NOTCH2NLA: variants seen among roughly 807,000 people sequenced by gnomAD.
The protein encoded by NOTCH2NLA is notch 2 N-terminal like A, also known as notch homolog 2 N-terminal-like protein A.
intron 3 of NOTCH2NLA, among the ~76,000 whole-genome samples, chr1:146,159,139 C>T (rs1392439202): frequency 6.6e-6 from 1 of 152,058 alleles, no homozygotes. Flanking sequence ...GGGCAGATCA[C>T]TTGTGGTTAG....
At chr1:146,161,980 T>C (rs1661531079) in intron 3 of NOTCH2NLA, among the ~76,000 whole-genome samples, 1 of 98,158 alleles carries the variant, frequency 1.0e-5, no homozygotes, top group Admixed American at 1.1e-4. Flanking sequence ...TGCTGAGGTG[T>C]TTGCTGAAGG....
chr1:146,194,968 A>G (rs1391285989), intron 1 of NOTCH2NLA, among the ~76,000 whole-genome samples: 2 of 110,414 alleles, frequency 1.8e-5, no homozygotes, highest in African/African-American at 3.9e-5. Context: ...AATTCTACCC[A>G]TTCCTTCAAG....
intron 3 of NOTCH2NLA, among the ~76,000 whole-genome samples, chr1:146,158,470 C>T (rs1366474705): frequency 6.6e-6 from 1 of 151,532 alleles, no homozygotes; most frequent in Non-Finnish European, 1.5e-5. Context: ...CCAGCTTCAT[C>T]CATGTCCCTA....
chr1:146,197,408 TATA>T (rs1663220184), intron 1 of NOTCH2NLA, among the ~76,000 whole-genome samples: 1 of 100,622 alleles, frequency 9.9e-6, no homozygotes, highest in Admixed American at 1.0e-4. Context: ...TGTTCTATTT[TATA>T]ATATTGAACT....
chr1:146,227,953 G>C (rs1664280624), intron 1 of NOTCH2NLA, among the ~76,000 whole-genome samples: 1 of 46,672 alleles, frequency 2.1e-5, no homozygotes, highest in South Asian at 6.8e-4. Context: ...CCACATTCCT[G>C]GGTCTGGACA....
At chr1:146,187,056 G>A (rs1229509168) in intron 2 of NOTCH2NLA, among the ~76,000 whole-genome samples, 5 of 126,828 alleles carry the variant, frequency 3.9e-5, no homozygotes, top group Non-Finnish European at 9.1e-5. Context: ...AGGCTCCAGT[G>A]TGTGATGTTC....
intron 2 of NOTCH2NLA, among the ~76,000 whole-genome samples, chr1:146,173,030 T>C (rs1258346123): frequency 1.3e-5 from 2 of 151,044 alleles, no homozygotes; most frequent in Non-Finnish European, 2.9e-5. Flanking sequence ...GGTATAGAAT[T>C]ATCCTTCACA....
chr1:146,185,882 T>C (rs1204514689), intron 2 of NOTCH2NLA, among the ~76,000 whole-genome samples: 21 of 136,890 alleles, frequency 1.5e-4, no homozygotes, highest in African/African-American at 5.2e-4. Context: ...ATATTTATTT[T>C]CTATTTTGTG....
chr1:146,182,392 GTCTC>G (rs1240223475), intron 2 of NOTCH2NLA, among the ~76,000 whole-genome samples: 2 of 137,562 alleles, frequency 1.5e-5, no homozygotes, highest in African/African-American at 5.0e-5. Flanking sequence ...CTTCCATATA[GTCTC>G]TCTCTCACAT....
downstream of NOTCH2NLA, chr1:146,154,479 TC>T (rs1295308588): frequency 6.6e-6 from 1 of 151,556 alleles, no homozygotes; most frequent in African/African-American, 2.4e-5. Flanking sequence ...ATCTCCCCAT[TC>T]CCACCCCTCA....
At chr1:146,160,439 T>C (rs12401839) in intron 3 of NOTCH2NLA, among the ~76,000 whole-genome samples, 2 of 22 alleles carry the variant, frequency 0.091, no homozygotes, top group Non-Finnish European at 0.5. Flanking sequence ...TGGGGGCCAG[T>C]CTTTCCTGTG....
intron 3 of NOTCH2NLA, among the ~76,000 whole-genome samples, chr1:146,159,447 G>GAAAGAGAA (rs1437002440): frequency 2.3e-4 from 31 of 135,874 alleles, no homozygotes; most frequent in Admixed American, 1.3e-3. Flanking sequence ...AAGAAAGAAA[G>GAAAGAGAA]AGAAAGAAAG....
At chr1:146,186,815 C>T (rs1662789495) in intron 2 of NOTCH2NLA, among the ~76,000 whole-genome samples, 1 of 133,186 alleles carries the variant, frequency 7.5e-6, no homozygotes, top group South Asian at 2.4e-4. Flanking sequence ...AACCAATTTG[C>T]CTCTCTGTAT....
At chr1:146,173,978 A>AT (rs1662127524) in intron 2 of NOTCH2NLA, among the ~76,000 whole-genome samples, 2 of 90,352 alleles carry the variant, frequency 2.2e-5, no homozygotes, top group Admixed American at 2.7e-4. Context: ...CATTTGAAGG[A>AT]TACCCCTACA....
At chr1:146,186,512 G>A (rs1211091107) in intron 2 of NOTCH2NLA, among the ~76,000 whole-genome samples, 5 of 143,208 alleles carry the variant, frequency 3.5e-5, no homozygotes, top group South Asian at 2.2e-4. Context: ...GTGCCACCAC[G>A]CCCAGCTAAT....
At chr1:146,180,597 A>C (rs1553809082) in intron 2 of NOTCH2NLA, among the ~76,000 whole-genome samples, 1 of 143,294 alleles carries the variant, frequency 7.0e-6, no homozygotes, top group Non-Finnish European at 1.6e-5. Context: ...AGAAATTTTA[A>C]TTTACCTTAC....
rs1315283305 is a variant in NOTCH2NLA at position 146,171,388 on chromosome 1, G to A, written c.39-6378C>T. ...GGAGGTTGCAGTGAGCCAAGATCGC[G>A]CCACTGCACTCCAGCCTGGGCAACA... On this transcript the variant is annotated intron_variant, in intron 2 of 4. Transcript: ENST00000362074. 5.0e-5 allele frequency among the ~76,000 whole-genome samples: 7 copies of A among 141,012 alleles called. 2 individuals carry two copies. Among genetic ancestry groups the A allele is most frequent in the Non-Finnish European group, 1.1e-4 (7 of 61,434 alleles). The allele number at this position is 141,012 out of a possible 152,430, so 92.5% of individuals were successfully genotyped here.
downstream of NOTCH2NLA, chr1:146,154,003 C>CCACA (rs1441690877): frequency 5.5e-5 from 4 of 73,386 alleles, no homozygotes; most frequent in South Asian, 4.3e-4. Context: ...CTGCACAACG[C>CCACA]CATACACACA....
rs587737947 is a variant in NOTCH2NLA at position 146,186,842 on chromosome 1, A to G, written c.38+2458T>C. On this transcript the variant is annotated intron_variant, in intron 2 of 4. Coordinates refer to ENST00000362074, the Ensembl canonical transcript of NOTCH2NLA. ...TCTCTGTATGGTATTACCACCCTGA[A>G]TGCTATGTGAAATAAATAAATTTTT... 1.5e-5 allele frequency among the ~76,000 whole-genome samples: 2 copies of G among 134,630 alleles called. 1 individual carries two copies. Among genetic ancestry groups the G allele is most frequent in the Non-Finnish European group, 3.4e-5 (2 of 58,144 alleles). 88.3% of individuals were successfully genotyped at this position (134,630 alleles called of 152,430 possible).
Sources: allele counts gnomAD v4.1 joint callset (sites outside exome capture counted in the v4.1 genomes callset), GRCh38; gene constraint gnomAD v4.1.1; transcripts MANE v1.5; gene names NCBI Gene and HGNC (gene_info 2026-07-23, HGNC 2026-07-21).